Variants in DGLUCY observed in about 807,000 individuals in gnomAD.
DGLUCY encodes D-glutamate cyclase, also known as D-glutamate cyclase, mitochondrial.
A neutral mutation model predicts 58.5 loss-of-function variants in DGLUCY; 58 were observed. The observed-to-expected ratio is 0.99, with a 90% CI of 0.80 to 1.23. The LOEUF is 1.23. Ranked by LOEUF, DGLUCY falls within the 50% of genes most tolerant of loss-of-function variation. The pLI is 0.00. For missense variants in DGLUCY, 779 were observed against 784.7 expected, an observed-to-expected ratio of 0.99 and a Z score of 0.09; for synonymous variants, 325 against 314.1, an observed-to-expected ratio of 1.03 and a Z score of -0.37.
intron 1 of DGLUCY, among the ~76,000 whole-genome samples, chr14:91,129,696 G>A (rs1306281369): frequency 1.3e-5 from 2 of 151,762 alleles, no homozygotes; most frequent in African/African-American, 4.8e-5. Context: ...GCCCAGGCTG[G>A]AGTGCAATGG....
At chr14:91,101,652 G>A (rs576961781) in intron 1 of DGLUCY, among the ~76,000 whole-genome samples, 1 of 152,348 alleles carries the variant, frequency 6.6e-6, no homozygotes, top group East Asian at 1.9e-4. Flanking sequence ...TTGAGTCAAA[G>A]TAAGTCATCA....
At chr14:91,164,241 C>A (rs758538640) in intron 3 of DGLUCY, among the ~76,000 whole-genome samples, 1 of 152,112 alleles carries the variant, frequency 6.6e-6, no homozygotes, top group African/African-American at 2.4e-5. Flanking sequence ...TGAGCCACCA[C>A]GCCCGGCCCA....
intron 12 of DGLUCY, among the ~76,000 whole-genome samples, chr14:91,209,432 C>T (rs111726431): frequency 0.014 from 2,090 of 150,630 alleles, 47 homozygotes; most frequent in African/African-American, 0.047. Context: ...ATTGAGGCCG[C>T]GTGCGGTGGC....
chr14:91,083,702 C>T (rs1566934424), intron 1 of DGLUCY, among the ~76,000 whole-genome samples: 1 of 151,984 alleles, frequency 6.6e-6, no homozygotes, highest in Non-Finnish European at 1.5e-5. Flanking sequence ...ACAGAGATGC[C>T]AGCAATGTTT....
chr14:91,167,570 G>T (rs907251810), intron 4 of DGLUCY, 192 bp downstream of exon 4: 4 of 771,176 alleles, frequency 5.2e-6, no homozygotes, highest in Middle Eastern at 2.2e-4. Flanking sequence ...CCTATCACCT[G>T]GCGCCTGTCC....
chr14:91,122,955 A>C (rs1194257136), intron 1 of DGLUCY, among the ~76,000 whole-genome samples: 1 of 152,180 alleles, frequency 6.6e-6, no homozygotes, highest in Non-Finnish European at 1.5e-5. Context: ...AGAGGCACTC[A>C]CTATGTAGCC....
chr14:91,087,081 G>A (rs1321727600), intron 1 of DGLUCY, among the ~76,000 whole-genome samples: 2 of 152,296 alleles, frequency 1.3e-5, no homozygotes, highest in East Asian at 1.9e-4. Context: ...AGTCAGAGGT[G>A]AACAGAGTCT....
Position 91,141,383 on chromosome 14 carries a change from A to C in DGLUCY, c.-81-16256A>C, listed in dbSNP as rs188645864. ...GCGAGACGCCATCTAAAAAAAAAAA[A>C]AGAAAAGGAAAAAAAGGAGTTATCG... On this transcript the variant is annotated intron_variant, in intron 1 of 13. Coordinates refer to ENST00000256324, the MANE Select transcript of DGLUCY (RefSeq NM_001102368.3). 2.2e-4 allele frequency among the ~76,000 whole-genome samples: 33 copies of C among 151,988 alleles called. 1 individual carries two copies. In the East Asian group the frequency reaches 6.2e-3, roughly 29 times the overall value.
At chr14:91,212,550 T>C (rs547141396) in intron 12 of DGLUCY, among the ~76,000 whole-genome samples, 2 of 151,646 alleles carry the variant, frequency 1.3e-5, no homozygotes, top group African/African-American at 2.4e-5. Context: ...TAAGATGTCA[T>C]TGATGGCCAG....
chr14:91,206,923 T>C (rs1884797414), intron 12 of DGLUCY, among the ~76,000 whole-genome samples: 1 of 151,870 alleles, frequency 6.6e-6, no homozygotes, highest in African/African-American at 2.4e-5. Flanking sequence ...AGCAGAGACA[T>C]GAAAATTTTA....
intron 1 of DGLUCY, among the ~76,000 whole-genome samples, chr14:91,151,278 C>T (rs776438974): frequency 5.9e-5 from 9 of 152,196 alleles, no homozygotes; most frequent in Non-Finnish European, 8.8e-5. Flanking sequence ...CTCGCTCTGT[C>T]GCCCAGGCTG....
upstream of DGLUCY, among the ~76,000 whole-genome samples, chr14:91,110,368 T>G (rs1452147142): frequency 6.6e-6 from 1 of 152,098 alleles, no homozygotes; most frequent in Non-Finnish European, 1.5e-5. Context: ...CAAGCCCTGC[T>G]TGGTGTCAAG....
chr14:91,161,219 C>T (rs573650047), intron 3 of DGLUCY, among the ~76,000 whole-genome samples: 3 of 152,260 alleles, frequency 2.0e-5, no homozygotes, highest in Non-Finnish European at 2.9e-5. Context: ...TACAGGCGCC[C>T]GCCACCATGC....
At position 91,152,245 on chromosome 14, in the gene DGLUCY, T is replaced by C. The variant is rs1167201801; in HGVS notation, c.-81-5394T>C. Among the ~76,000 whole-genome samples, 5 of 152,072 alleles carry C rather than the reference T, an allele frequency of 3.3e-5. No individual in the cohort carries two copies. The South Asian group carries it at 6.2e-4, about 19-fold the overall frequency. Reference sequence around the variant, plus strand: ...ATCTTTACAAAAAAATAACAGAAATTAGCTGGGCACAGTGGTGCATGCCTG... The same window carrying C: ...ATCTTTACAAAAAAATAACAGAAATCAGCTGGGCACAGTGGTGCATGCCTG... On this transcript the variant is annotated intron_variant, in intron 1 of 13. Coordinates refer to ENST00000256324, the MANE Select transcript of DGLUCY (RefSeq NM_001102368.3).
Position 91,167,231 on chromosome 14 carries a change from G to A in DGLUCY, c.110G>A (p.Arg37Gln), listed in dbSNP as rs1259830846. Residue 37 changes from arginine (R) to glutamine (Q), a missense_variant, in exon 4 of 14, where the codon CGA (arginine) becomes CAA (glutamine). Coordinates refer to ENST00000256324, the MANE Select transcript of DGLUCY (RefSeq NM_001102368.3). ...RNTSSMAGEL[R>Q]PASLVVLPRS... ...CTTCTCCCACCATACCCAGAGCTCC[G>A]ACCAGCCAGCCTGGTGGTCCTGCCC... 8.8e-6 allele frequency: 14 copies of A among 1,587,680 alleles called. No individual in the cohort carries two copies. Among genetic ancestry groups the A allele is most frequent in the African/African-American group, 6.9e-5 (5 of 72,940 alleles).
intron 12 of DGLUCY, among the ~76,000 whole-genome samples, chr14:91,213,606 ATTATTT>A (rs1178849489): frequency 6.6e-6 from 1 of 152,174 alleles, no homozygotes; most frequent in Non-Finnish European, 1.5e-5. Context: ...AGAATACAGT[ATTATTT>A]TTATCGTATG....
At chr14:91,159,466 CAAAAA>C (rs958924372) in intron 2 of DGLUCY, among the ~76,000 whole-genome samples, 20 of 152,070 alleles carry the variant, frequency 1.3e-4, no homozygotes, top group African/African-American at 4.8e-4. Flanking sequence ...AACAAACAAA[CAAAAA>C]AGAAGTCAAC....
intron 9 of DGLUCY, among the ~76,000 whole-genome samples, chr14:91,192,528 G>T (rs902284983): frequency 1.5e-4 from 23 of 152,274 alleles, no homozygotes; most frequent in African/African-American, 5.5e-4. Flanking sequence ...CCAGCGCTTT[G>T]GGAGACCGAG....
chr14:91,063,786 A>G (rs915245640), intron 1 of DGLUCY, among the ~76,000 whole-genome samples: 4 of 152,198 alleles, frequency 2.6e-5, no homozygotes, highest in African/African-American at 9.7e-5. Flanking sequence ...TCTTATTAAT[A>G]TTTTTGGACT....
Sources: allele counts gnomAD v4.1 joint callset (sites outside exome capture counted in the v4.1 genomes callset), GRCh38; gene constraint gnomAD v4.1.1; transcripts MANE v1.5; gene names NCBI Gene and HGNC (gene_info 2026-07-23, HGNC 2026-07-21).